Variants in NUP210 observed in about 807,000 individuals in gnomAD.
NUP210 encodes nucleoporin 210, also known as nuclear pore membrane glycoprotein 210.
Under a neutral mutation model 196.0 loss-of-function variants are expected in NUP210, and 151 were observed. The ratio of observed to expected loss-of-function variants is 0.77; its 90% CI spans 0.67 to 0.88. The LOEUF (loss-of-function observed/expected upper bound fraction) is 0.88, where lower values mean the gene tolerates loss of function less well. NUP210 is among the 40% of genes least tolerant of loss of function. NUP210 has a pLI of 0.00. For missense variants in NUP210, 2,314 were observed against 2,493.7 expected (o/e 0.93, Z 1.53); for synonymous variants, 1,070 against 1,052.7 (o/e 1.02, Z -0.32).
At chr3:13,343,116 C>T (rs568825990) in intron 21 of NUP210, 59 bp downstream of exon 21, 40 of 1,599,688 alleles carry the variant, frequency 2.5e-5, no homozygotes, top group Non-Finnish European at 3.2e-5. Context: ...CCCACAGTCC[C>T]CTCCCTCCCA....
intron 13 of NUP210, among the ~76,000 whole-genome samples, chr3:13,368,775 G>T (rs577423942): frequency 1.3e-5 from 2 of 152,256 alleles, no homozygotes; most frequent in East Asian, 3.9e-4. Context: ...TCCTTCTTAA[G>T]GCTGAATAAT....
At chr3:13,335,992 G>A (rs79624778) in intron 27 of NUP210, among the ~76,000 whole-genome samples, 1 of 152,240 alleles carries the variant, frequency 6.6e-6, no homozygotes, top group Non-Finnish European at 1.5e-5. Context: ...TCTGTTTGGG[G>A]ATATCTGCTA....
chr3:13,367,018 C>T (rs144856263), intron 13 of NUP210, among the ~76,000 whole-genome samples: 1,904 of 151,584 alleles, frequency 0.013, 22 homozygotes, highest in Non-Finnish European at 0.02. Context: ...TCCAGCTACT[C>T]CGGAGGCTGA....
intron 6 of NUP210, 142 bp downstream of exon 6, chr3:13,386,133 G>A (rs879441659): frequency 5.1e-5 from 43 of 850,278 alleles, no homozygotes; most frequent in Non-Finnish European, 6.8e-5. Flanking sequence ...GGTGATGGCT[G>A]CAGAAGAGTG....
intron 11 of NUP210, 40 bp from the exon 12 acceptor site, chr3:13,373,913 T>C: frequency 6.2e-7 from 1 of 1,605,138 alleles, no homozygotes; most frequent in East Asian, 2.3e-5. Context: ...CCACCCACCC[T>C]TAGCCTGCTG....
intron 1 of NUP210, among the ~76,000 whole-genome samples, chr3:13,419,259 C>T (rs1189298002): frequency 6.6e-6 from 1 of 152,210 alleles, no homozygotes; most frequent in Non-Finnish European, 1.5e-5. Context: ...AAGCTAAGGG[C>T]GCTCAGTCGT....
At chr3:13,395,063 G>A (rs144601784) in intron 3 of NUP210, among the ~76,000 whole-genome samples, 2 of 152,078 alleles carry the variant, frequency 1.3e-5, no homozygotes, top group African/African-American at 4.8e-5. Flanking sequence ...ACCAGGTGAC[G>A]TCCTACTCTG....
intron 27 of NUP210, among the ~76,000 whole-genome samples, chr3:13,336,446 G>A (rs948108645): frequency 6.6e-6 from 1 of 152,306 alleles, no homozygotes; most frequent in South Asian, 2.1e-4. Context: ...TAAGGGAAGG[G>A]GAATTTGGCC....
intron 13 of NUP210, among the ~76,000 whole-genome samples, chr3:13,370,381 C>A (rs1436906238): frequency 2.0e-5 from 3 of 152,210 alleles, no homozygotes; most frequent in African/African-American, 7.2e-5. Flanking sequence ...GCTGTCATCC[C>A]ATTTTACAGT....
rs776428849 is a variant in NUP210, at chr3:13,397,445, G to A, written c.348C>T (p.Ile116=). The change falls in exon 3 of 40, where the codon ATC becomes ATT. Residue 116 remains isoleucine (I), a synonymous_variant. Coordinates refer to ENST00000254508, the MANE Select transcript of NUP210 (RefSeq NM_024923.4). ...VLRCDAIVDL[I]HDIQIVSTTR... ...TGGTGGAGACGATCTGGATGTCATG[G>A]ATGAGGTCCACAATGGCATCACAGC... 3.7e-6 allele frequency: 6 copies of A among 1,613,000 alleles called. No individual in the cohort carries two copies. The South Asian group carries it at 6.6e-5, about 18-fold the overall frequency.
At chr3:13,373,948 G>A (rs376257153) in intron 11 of NUP210, 75 bp from the exon 12 acceptor site, 19 of 1,537,418 alleles carry the variant, frequency 1.2e-5, no homozygotes, top group East Asian at 1.2e-4. Flanking sequence ...TCAGAGACAC[G>A]TGCGTGTGCA....
intron 14 of NUP210, among the ~76,000 whole-genome samples, chr3:13,363,993 CG>C (rs1698451027): frequency 6.6e-6 from 1 of 152,118 alleles, no homozygotes; most frequent in Non-Finnish European, 1.5e-5. Flanking sequence ...CTGCTGTGCT[CG>C]GGGATTTCAA....
chr3:13,342,052 T>C lies in NUP210; in HGVS notation c.3036A>G (p.Lys1012=). ...LDLHKKPFLA[K]YFPFMDLKLR... The stretch of plus-strand genomic sequence containing the variant: ...GCTTCAGGTCCATAAAGGGGAAGTA[T>C]TTGGCAAGGAAGGGCTTCTTGTGCA... Residue 1012 remains lysine (K), a synonymous_variant, in exon 22 of 40, where the codon AAA becomes AAG. Transcript: ENST00000254508. 2 of 1,614,198 alleles carry C rather than the reference T, an allele frequency of 1.2e-6. No individual in the cohort carries two copies. Among genetic ancestry groups the C allele is most frequent in the Non-Finnish European group, 1.7e-6 (2 of 1,180,038 alleles).
At position 13,348,973 on chromosome 3, in the gene NUP210, T is replaced by G; in HGVS notation, c.2835+2906A>C. ...ATTTTCTCTTGAAAATCAGAAGCTCTTGCCTCACAGGCCCACACCCCCACA... is the reference window on the plus strand; with the variant it reads ...ATTTTCTCTTGAAAATCAGAAGCTCGTGCCTCACAGGCCCACACCCCCACA... On this transcript the variant is annotated intron_variant, in intron 20 of 39. Transcript: ENST00000254508. This position sits in a 1 kb window ranked among gnomAD's most constrained non-coding sequence, Gnocchi z 4.0. 1 of 912,298 alleles carries G rather than the reference T, an allele frequency of 1.1e-6. No individual in the cohort carries two copies. The highest frequency in any genetic ancestry group is 1.3e-6 in the Non-Finnish European group (1 of 763,192). 56.5% of individuals were successfully genotyped at this position (912,298 alleles called of 1,614,324 possible). A position where few individuals can be genotyped will look rare whatever the true frequency, so the allele number is the denominator to read the frequency against.
At chr3:13,366,583 T>C (rs1298518688) in intron 13 of NUP210, among the ~76,000 whole-genome samples, 4 of 149,088 alleles carry the variant, frequency 2.7e-5, no homozygotes, top group Non-Finnish European at 4.5e-5. Context: ...AGTGGTGCTA[T>C]CTCAGCTCAC....
At chr3:13,358,660 G>A (rs958601799) in intron 15 of NUP210, among the ~76,000 whole-genome samples, 2 of 152,114 alleles carry the variant, frequency 1.3e-5, no homozygotes, top group Non-Finnish European at 2.9e-5. Context: ...TAGACCCGGT[G>A]AGGCTTCATG....
At chr3:13,365,616 G>A (rs1365884055) in intron 14 of NUP210, among the ~76,000 whole-genome samples, 1 of 152,214 alleles carries the variant, frequency 6.6e-6, no homozygotes, top group Non-Finnish European at 1.5e-5. Context: ...GCACTCCCCT[G>A]TTCTGACCCT....
intron 1 of NUP210, among the ~76,000 whole-genome samples, chr3:13,418,948 CAAAAAAAAAA>C (rs112826426): frequency 3.8e-5 from 2 of 52,506 alleles, no homozygotes; most frequent in East Asian, 6.8e-4. Flanking sequence ...AACTCCGTCT[CAAAAAAAAAA>C]AAAAAAAAAA....
rs551529829 is a variant in NUP210, at chr3:13,347,151, C to A, written c.2836-3848G>T. The A allele has an allele frequency of 1.0e-6, 1 of 985,278 alleles. No individual in the cohort carries two copies. The highest frequency in any genetic ancestry group is 6.2e-5 in the Admixed American group (1 of 16,252). 61.0% of individuals were successfully genotyped at this position (985,278 alleles called of 1,614,324 possible). The stretch of plus-strand genomic sequence containing the variant: ...GACCCAGGAGATGGAGAGAAGCAGC[C>A]GCAGCTCATAGGACCCAGGAGATGG... On this transcript the variant is annotated intron_variant, in intron 20 of 39. Transcript: ENST00000254508. The surrounding 1 kb of genome is among the most constrained non-coding windows in gnomAD (Gnocchi z 4.7).
Sources: gnomAD v4.1 joint callset for allele counts (sites outside exome capture counted in the v4.1 genomes callset) on GRCh38, gnomAD v4.1.1 for gene constraint, Gnocchi (gnomAD v3.1) non-coding constraint, MANE v1.5 for transcripts, NCBI Gene and HGNC (gene_info 2026-07-23, HGNC 2026-07-21) for gene names.